KAZN: variants seen among roughly 807,000 people sequenced by gnomAD.
The protein encoded by KAZN is kazrin, periplakin interacting protein.
Under a neutral mutation model 87.4 loss-of-function variants are expected in KAZN, and 40 were observed. The ratio of observed to expected loss-of-function variants is 0.46; its 90% CI spans 0.36 to 0.60. KAZN has a LOEUF of 0.60. KAZN is among the 20% of genes least tolerant of loss of function. The probability of loss-of-function intolerance (pLI) is 0.00; values close to 1 mark genes in which losing one functional copy is unlikely to be tolerated. For missense variants in KAZN, 898 were observed against 1,073.9 expected, an observed-to-expected ratio of 0.84 and a Z score of 2.29; for synonymous variants, 466 against 458.3, an observed-to-expected ratio of 1.02 and a Z score of -0.22.
intron 1 of KAZN, among the ~76,000 whole-genome samples, chr1:13,929,573 TG>T (rs1640429152): frequency 6.6e-6 from 1 of 152,118 alleles, no homozygotes; most frequent in South Asian, 2.1e-4. Context: ...GCCTGACATC[TG>T]GGGGCACTTT....
intron 2 of KAZN, among the ~76,000 whole-genome samples, chr1:14,515,169 A>G (rs1671237146): frequency 6.6e-6 from 1 of 152,164 alleles, no homozygotes; most frequent in Non-Finnish European, 1.5e-5. Context: ...AATCAGGAAA[A>G]TGAACATTTA....
chr1:14,864,023 A>G (rs914815355), intron 1 of KAZN, among the ~76,000 whole-genome samples: 1 of 152,164 alleles, frequency 6.6e-6, no homozygotes, highest in Non-Finnish European at 1.5e-5. Context: ...AATTATTCAG[A>G]GGCTGTTATG....
At chr1:13,934,911 G>A (rs1027547220) in intron 1 of KAZN, among the ~76,000 whole-genome samples, 12 of 152,090 alleles carry the variant, frequency 7.9e-5, no homozygotes, top group East Asian at 1.9e-4. Context: ...AGTTTTTACC[G>A]AGAGATGAAA....
chr1:14,107,921 G>A (rs1644414638), intron 1 of KAZN, among the ~76,000 whole-genome samples: 1 of 152,138 alleles, frequency 6.6e-6, no homozygotes, highest in African/African-American at 2.4e-5. Flanking sequence ...ACTTGAACCG[G>A]TAATTCCTCT....
chr1:14,294,107 C>A (rs1012373973), intron 2 of KAZN, among the ~76,000 whole-genome samples: 1 of 152,148 alleles, frequency 6.6e-6, no homozygotes, highest in African/African-American at 2.4e-5. Context: ...GAGAGATGAG[C>A]GAACTTGGCC....
intron 2 of KAZN, among the ~76,000 whole-genome samples, chr1:14,343,553 A>G (rs1657893092): frequency 6.6e-6 from 1 of 152,132 alleles, no homozygotes; most frequent in Non-Finnish European, 1.5e-5. Flanking sequence ...ACCATGTGTG[A>G]TGCTTTTAAA....
chr1:13,986,268 T>A (rs1484064427), intron 1 of KAZN, among the ~76,000 whole-genome samples: 1 of 152,234 alleles, frequency 6.6e-6, no homozygotes, highest in Non-Finnish European at 1.5e-5. Flanking sequence ...TTTTACAAAT[T>A]TGCATTAGGA....
intron 2 of KAZN, among the ~76,000 whole-genome samples, chr1:14,449,410 G>T (rs542479818): frequency 6.6e-6 from 1 of 152,234 alleles, no homozygotes; most frequent in African/African-American, 2.4e-5. Context: ...AGAATATTTT[G>T]CCATCACCCT....
At chr1:14,763,516 T>C (rs10927540) in intron 1 of KAZN, among the ~76,000 whole-genome samples, 86,742 of 152,096 alleles carry the variant, frequency 0.57, 25,159 homozygotes, top group African/African-American at 0.65. Flanking sequence ...TTGCCACCCC[T>C]GCCTCCCCTT....
chr1:14,986,514 T>C (rs1026189047), intron 2 of KAZN, among the ~76,000 whole-genome samples: 1 of 152,094 alleles, frequency 6.6e-6, no homozygotes, highest in African/African-American at 2.4e-5. Flanking sequence ...CTTTTCTTGG[T>C]TGGTGCTTTC....
chr1:14,078,682 CCTCT>C (rs1179030358), intron 1 of KAZN, among the ~76,000 whole-genome samples: 1 of 151,464 alleles, frequency 6.6e-6, no homozygotes, highest in East Asian at 1.9e-4. Context: ...CTCTCTGGGG[CCTCT>C]CTTTTTTGTT....
chr1:14,402,411 T>G (rs1184067951), intron 2 of KAZN, among the ~76,000 whole-genome samples: 1 of 152,124 alleles, frequency 6.6e-6, no homozygotes, highest in Non-Finnish European at 1.5e-5. Context: ...CTAAGCTATC[T>G]AAAAATAACA....
chr1:14,777,873 G>A (rs1031529795), intron 1 of KAZN, among the ~76,000 whole-genome samples: 10 of 152,212 alleles, frequency 6.6e-5, no homozygotes, highest in African/African-American at 2.4e-4. Context: ...CATTGCCGTG[G>A]CATTTGTAAA....
chr1:14,963,486 T>C (rs1023131700), intron 2 of KAZN, among the ~76,000 whole-genome samples: 1 of 152,190 alleles, frequency 6.6e-6, no homozygotes, highest in Admixed American at 6.5e-5. Flanking sequence ...GGAAGGAAGT[T>C]GGCCCAGATG....
intron 1 of KAZN, among the ~76,000 whole-genome samples, chr1:14,721,826 C>T: frequency 6.6e-6 from 1 of 152,096 alleles, no homozygotes; most frequent in East Asian, 1.9e-4. Context: ...AGTAGAAATA[C>T]ATATACTCTG....
chr1:14,662,121 G>C (rs994089486), intron 1 of KAZN, among the ~76,000 whole-genome samples: 1 of 152,166 alleles, frequency 6.6e-6, no homozygotes, highest in Non-Finnish European at 1.5e-5. Flanking sequence ...GGTCAGGAAG[G>C]AGGCAAGAGG....
intron 2 of KAZN, among the ~76,000 whole-genome samples, chr1:14,278,291 CTTTTTT>C (rs869207394): frequency 1.5e-5 from 2 of 135,078 alleles, no homozygotes; most frequent in African/African-American, 5.5e-5. Context: ...GCACTGATTC[CTTTTTT>C]TTTTTTTTTT....
chr1:14,300,613 C>T (rs1274671173), intron 2 of KAZN, among the ~76,000 whole-genome samples: 1 of 152,100 alleles, frequency 6.6e-6, no homozygotes, highest in Admixed American at 6.5e-5. Flanking sequence ...GAAAATCAAT[C>T]AAAAGCGTGC....
At chr1:14,610,304 T>C (rs1302671477) in intron 1 of KAZN, among the ~76,000 whole-genome samples, 1 of 152,102 alleles carries the variant, frequency 6.6e-6, no homozygotes, top group Non-Finnish European at 1.5e-5. Flanking sequence ...GCCTCCCGGG[T>C]TCACACCATT....
Sources: allele counts gnomAD v4.1 joint callset (sites outside exome capture counted in the v4.1 genomes callset), GRCh38; gene constraint gnomAD v4.1.1; transcripts MANE v1.5; gene names NCBI Gene and HGNC (gene_info 2026-07-23, HGNC 2026-07-21).